MAU2: variants seen among roughly 807,000 people sequenced by gnomAD.
MAU2 encodes MAU2 chromatid cohesion factor homolog.
In MAU2, 9 loss-of-function variants were observed where a neutral mutation model predicts 89.1. The observed-to-expected ratio is 0.10, with a 90% CI of 0.06 to 0.18. The LOEUF is 0.18. Ranked by LOEUF, MAU2 falls within the 10% of genes least tolerant of loss-of-function variation. MAU2 has a pLI of 1.00. For missense variants in MAU2, 425 were observed against 803.5 expected, an observed-to-expected ratio of 0.53 and a Z score of 5.69; for synonymous variants, 357 against 343.4, an observed-to-expected ratio of 1.04 and a Z score of -0.44.
rs1555792830 is a variant in MAU2, at chr19:19,326,691, A to ATATATATACGTATATATATATATACGTAT, written c.276+5556_276+5557insTATATATACGTATATATATATATACGTAT. Among the ~76,000 whole-genome samples the ATATATATACGTATATATATATATACGTAT allele has an allele frequency of 2.2e-4, 24 of 109,438 alleles. 1 individual carries two copies. The highest frequency in any genetic ancestry group is 3.2e-4 in the Non-Finnish European group (17 of 52,788). 71.8% of individuals were successfully genotyped at this position (109,438 alleles called of 152,430 possible). A position where few individuals can be genotyped will look rare whatever the true frequency, so the allele number is the denominator to read the frequency against. Reference sequence around the variant, plus strand: ...AAAGAGCGAGACTGTCTCAAAAAAAAATATATATATGTATATATATATATA... The same window carrying ATATATATACGTATATATATATATACGTAT: ...AAAGAGCGAGACTGTCTCAAAAAAAATATATATACGTATATATATATATACGTATATATATATATGTATATATATATATA... On this transcript the variant is annotated intron_variant, in intron 1 of 18. Coordinates refer to ENST00000262815, the MANE Select transcript of MAU2 (RefSeq NM_015329.4).
intron 16 of MAU2, 54 bp from the exon 17 acceptor site, chr19:19,354,301 T>G: frequency 4.1e-6 from 6 of 1,451,570 alleles, no homozygotes; most frequent in Non-Finnish European, 5.8e-6. Flanking sequence ...CTGGGCTGGG[T>G]TCGGCAAGTG....
intron 1 of MAU2, among the ~76,000 whole-genome samples, chr19:19,323,709 C>G (rs574593562): frequency 5.3e-5 from 8 of 152,208 alleles, no homozygotes; most frequent in African/African-American, 1.9e-4. Context: ...GGCTTGAACT[C>G]CTGAGCTCAA....
chr19:19,333,934 G>A (rs1487436830), intron 1 of MAU2, among the ~76,000 whole-genome samples: 2 of 152,132 alleles, frequency 1.3e-5, no homozygotes, highest in Non-Finnish European at 2.9e-5. Context: ...GCCCCATGGT[G>A]CCCAAATCAG....
intron 1 of MAU2, among the ~76,000 whole-genome samples, chr19:19,322,450 C>T (rs1177520699): frequency 2.6e-5 from 4 of 152,230 alleles, no homozygotes; most frequent in Admixed American, 2.6e-4. Flanking sequence ...AATACAAAAA[C>T]TAGCTGGGCG....
rs946807790 is a variant in MAU2 at position 19,349,973 on chromosome 19, G to T, written c.1548+537G>T. Among the ~76,000 whole-genome samples the T allele has an allele frequency of 2.0e-4, 26 of 128,248 alleles. 1 individual carries two copies. Among genetic ancestry groups the T allele is most frequent in the Admixed American group, 1.5e-3 (19 of 12,652 alleles). 84.1% of individuals were successfully genotyped at this position (128,248 alleles called of 152,430 possible). On this transcript the variant is annotated intron_variant, in intron 16 of 18. Transcript: ENST00000262815. ...TCACCCACTGATCTCACGAGGTCTT[G>T]AATTTTTTTTTTTTTTTTTTTTTTT...
At chr19:19,334,306 G>C (rs1156935128) in intron 1 of MAU2, 2 of 985,438 alleles carry the variant, frequency 2.0e-6, no homozygotes, top group African/African-American at 3.5e-5. Flanking sequence ...GCTTGGGCTG[G>C]CAGAGGGCCT....
intron 16 of MAU2, chr19:19,353,787 T>G (rs2061762979): frequency 6.1e-6 from 1 of 163,244 alleles, no homozygotes. Context: ...CCCTGATGGC[T>G]CTTACTGAGC....
At chr19:19,325,575 G>T (rs2061497243) in intron 1 of MAU2, among the ~76,000 whole-genome samples, 2 of 152,144 alleles carry the variant, frequency 1.3e-5, no homozygotes, top group South Asian at 4.1e-4. Context: ...CACCTCCCGG[G>T]TTCAAACGAT....
chr19:19,320,852 A>C lies in MAU2; in HGVS notation c.-8A>C. 1 of 1,518,518 alleles carries C rather than the reference A, an allele frequency of 6.6e-7. No individual in the cohort carries two copies. The allele number at this position is 1,518,518 out of a possible 1,614,324, so 94.1% of individuals were successfully genotyped here. On this transcript the variant is annotated 5_prime_UTR_variant, in exon 1 of 19. Transcript: ENST00000262815. ...CTGTGGCGGCGGCTTGTTGTTGTGG[A>C]GGCCAAAATGGCGGCTCAGGCGGCG...
chr19:19,349,097 T>G (rs2061720306), intron 14 of MAU2, 58 bp from the exon 15 acceptor site: 2 of 1,604,720 alleles, frequency 1.2e-6, no homozygotes, highest in Admixed American at 3.4e-5. Context: ...CCCACTGCCG[T>G]TTTGTAAACC....
chr19:19,345,406 C>A lies in MAU2; in HGVS notation c.1221+37C>A. On this transcript the variant is annotated intron_variant, in intron 12 of 18. Coordinates refer to ENST00000262815, the MANE Select transcript of MAU2 (RefSeq NM_015329.4). This position sits in a 1 kb window ranked among gnomAD's most constrained non-coding sequence, Gnocchi z 4.9. ...GCCCTCCTTGCTGCTCGGGGCGGGC[C>A]ACACTTCTGAGTAAGGAGTCGGGCG... 6.2e-7 allele frequency: 1 copy of A among 1,604,586 alleles called. No individual in the cohort carries two copies. Among genetic ancestry groups the A allele is most frequent in the Non-Finnish European group, 8.5e-7 (1 of 1,173,314 alleles).
intron 1 of MAU2, among the ~76,000 whole-genome samples, chr19:19,330,684 G>C (rs549916526): frequency 1.4e-4 from 21 of 152,278 alleles, no homozygotes; most frequent in Non-Finnish European, 5.9e-5. Flanking sequence ...AGGGTGCCAT[G>C]AGCCAAGATC....
chr19:19,334,465 C>T, intron 1 of MAU2: 2 of 985,820 alleles, frequency 2.0e-6, no homozygotes, highest in Non-Finnish European at 2.4e-6. Context: ...CCAGCTGCTG[C>T]TCACCCTTGC....
chr19:19,323,286 G>GGT (rs2061478088), intron 1 of MAU2, among the ~76,000 whole-genome samples: 1 of 148,568 alleles, frequency 6.7e-6, no homozygotes. Context: ...CTTCCGTCTC[G>GGT]TGGGTTCAAG....
chr19:19,354,871 C>T (rs1351350554), intron 17 of MAU2, among the ~76,000 whole-genome samples: 4 of 152,152 alleles, frequency 2.6e-5, no homozygotes, highest in East Asian at 1.9e-4. Context: ...AACTAAGGTC[C>T]GGAGACTCGC....
At position 19,356,050 on chromosome 19, in the gene MAU2, G is replaced by A. The variant is rs1205087500; in HGVS notation, c.*268G>A. On this transcript the variant is annotated 3_prime_UTR_variant, in exon 19 of 19. Transcript: ENST00000262815. ...TCCTTCAGAGTGGACCTCAGTGCCAGTCCTGCCTCAGCATCTGGGTCACGT... is the reference window on the plus strand; with the variant it reads ...TCCTTCAGAGTGGACCTCAGTGCCAATCCTGCCTCAGCATCTGGGTCACGT... 1.6e-6 allele frequency: 1 copy of A among 622,720 alleles called. No homozygotes were observed. The highest frequency in any genetic ancestry group is 1.5e-5 in the South Asian group (1 of 66,012). 38.6% of individuals were successfully genotyped at this position (622,720 alleles called of 1,614,324 possible).
chr19:19,329,145 C>A (rs1489662816), intron 1 of MAU2: 1 of 455,756 alleles, frequency 2.2e-6, no homozygotes, highest in African/African-American at 2.0e-5. Context: ...TGAGCCTCTC[C>A]TCATCAGGCC....
At chr19:19,325,755 A>G (rs1412331522) in intron 1 of MAU2, among the ~76,000 whole-genome samples, 1 of 152,154 alleles carries the variant, frequency 6.6e-6, no homozygotes, top group Non-Finnish European at 1.5e-5. Flanking sequence ...CCGGGATTAC[A>G]GGCATGCCAC....
intron 7 of MAU2, 44 bp downstream of exon 7, chr19:19,341,451 G>T: frequency 1.9e-6 from 3 of 1,607,264 alleles, no homozygotes; most frequent in Non-Finnish European, 2.5e-6. Flanking sequence ...TGACCAGTGG[G>T]TATGGGTGGT....
Sources: allele counts gnomAD v4.1 joint callset (sites outside exome capture counted in the v4.1 genomes callset), GRCh38; gene constraint gnomAD v4.1.1; non-coding constraint Gnocchi (gnomAD v3.1); transcripts MANE v1.5; gene names NCBI Gene and HGNC (gene_info 2026-07-23, HGNC 2026-07-21).